SLC15A1: variants seen among roughly 807,000 people sequenced by gnomAD.
SLC15A1 encodes solute carrier family 15 member 1.
A neutral mutation model predicts 92.9 loss-of-function variants in SLC15A1; 83 were observed. That is an observed-to-expected ratio of 0.89 (90% confidence interval 0.75 to 1.07). The LOEUF (loss-of-function observed/expected upper bound fraction) is 1.07, where lower values mean the gene tolerates loss of function less well. SLC15A1 is among the 50% of genes least tolerant of loss of function. The pLI, the probability that SLC15A1 is intolerant of heterozygous loss-of-function variation, is 0.00. For synonymous variants in SLC15A1, 322 were observed against 318.2 expected (o/e 1.01, Z -0.13); for missense variants, 857 against 880.1 (o/e 0.97, Z 0.33).
chr13:98,728,988 A>AC (rs1384936464), intron 1 of SLC15A1, among the ~76,000 whole-genome samples: 6 of 145,844 alleles, frequency 4.1e-5, no homozygotes, highest in Non-Finnish European at 9.0e-5. Context: ...AAAAAAAAAA[A>AC]AAAAAAAAAA....
intron 1 of SLC15A1, among the ~76,000 whole-genome samples, chr13:98,729,183 T>C (rs1481544274): frequency 1.3e-5 from 2 of 151,628 alleles, no homozygotes; most frequent in African/African-American, 2.4e-5. Context: ...AACTGTAAAA[T>C]ATTGTATTAA....
chr13:98,723,947 G>T lies in SLC15A1; in HGVS notation c.330C>A (p.Asn110Lys). 6.2e-7 allele frequency: 1 copy of T among 1,614,188 alleles called. No individual in the cohort carries two copies. The highest frequency in any genetic ancestry group is 8.5e-7 in the Non-Finnish European group (1 of 1,180,016). Reference protein sequence around the residue: ...VSSINDLTDHNHDGTPDSLPV... With the variant: ...VSSINDLTDHKHDGTPDSLPV... ...GAAGGCTGTCGGGGGTGCCATCATG[G>T]TTGTGGTCTGTGAGGTCATTAATGG... Residue 110 changes from asparagine to lysine, a missense_variant, in exon 5 of 23, where the codon AAC (asparagine) becomes AAA (lysine). Coordinates refer to ENST00000376503, the MANE Select transcript of SLC15A1 (RefSeq NM_005073.4).
intron 18 of SLC15A1, among the ~76,000 whole-genome samples, chr13:98,701,517 T>C (rs2088066786): frequency 6.6e-6 from 1 of 151,770 alleles, no homozygotes; most frequent in African/African-American, 2.4e-5. Flanking sequence ...TGATTTATTT[T>C]GAGACAAGGT....
intron 1 of SLC15A1, among the ~76,000 whole-genome samples, chr13:98,730,597 G>A (rs1208458376): frequency 1.3e-5 from 2 of 152,198 alleles, no homozygotes; most frequent in Non-Finnish European, 2.9e-5. Flanking sequence ...ACAACCAAAT[G>A]AGGATGACCT....
chr13:98,741,438 C>T (rs1356119751), intron 1 of SLC15A1, among the ~76,000 whole-genome samples: 1 of 151,976 alleles, frequency 6.6e-6, no homozygotes, highest in African/African-American at 2.4e-5. Flanking sequence ...CATGGTGAAA[C>T]CCCATCTCTA....
chr13:98,741,917 C>G (rs542707052), intron 1 of SLC15A1, among the ~76,000 whole-genome samples: 10 of 152,284 alleles, frequency 6.6e-5, no homozygotes, highest in African/African-American at 2.4e-4. Flanking sequence ...CTCACTAACC[C>G]CTAACGGCAG....
chr13:98,750,935 G>A (rs1159172004), intron 1 of SLC15A1, among the ~76,000 whole-genome samples: 3 of 151,878 alleles, frequency 2.0e-5, no homozygotes, highest in African/African-American at 7.3e-5. Context: ...TATATTTTTA[G>A]TAGAGACGGG....
At chr13:98,711,347 G>A (rs1451637427) in intron 11 of SLC15A1, among the ~76,000 whole-genome samples, 7 of 152,170 alleles carry the variant, frequency 4.6e-5, no homozygotes, top group Admixed American at 1.3e-4. Context: ...GTGGTAGAAA[G>A]AGACAACAGG....
chr13:98,688,443 A>G (rs776104678), intron 19 of SLC15A1, 27 bp downstream of exon 19: 1 of 1,607,358 alleles, frequency 6.2e-7, no homozygotes, highest in Non-Finnish European at 8.5e-7. Flanking sequence ...TGAACCTTTG[A>G]GTGAAGCATT....
intron 1 of SLC15A1, among the ~76,000 whole-genome samples, chr13:98,731,239 G>A (rs1342595434): frequency 1.3e-5 from 2 of 152,212 alleles, no homozygotes; most frequent in African/African-American, 2.4e-5. Context: ...TGGGAGGTCC[G>A]TGGTGAGGCA....
At chr13:98,700,484 C>CAAAAAAAAAAAAAAAAAAAA (rs56342746) in intron 18 of SLC15A1, among the ~76,000 whole-genome samples, 3 of 50,914 alleles carry the variant, frequency 5.9e-5, no homozygotes, top group Admixed American at 3.5e-4. Flanking sequence ...GACCCTGTCT[C>CAAAAAAAAAAAAAAAAAAAA]AAAAAAAAAA....
chr13:98,705,757 T>C (rs1187888381), intron 16 of SLC15A1, among the ~76,000 whole-genome samples: 2 of 152,126 alleles, frequency 1.3e-5, no homozygotes, highest in African/African-American at 4.8e-5. Context: ...CTGGGTGTGG[T>C]GGCACACACC....
At chr13:98,741,284 C>T (rs1304492023) in intron 1 of SLC15A1, among the ~76,000 whole-genome samples, 1 of 152,248 alleles carries the variant, frequency 6.6e-6, no homozygotes, top group Non-Finnish European at 1.5e-5. Flanking sequence ...GGCACCCAGG[C>T]TGTGCCCATC....
chr13:98,701,516 T>G (rs1452648379), intron 18 of SLC15A1, among the ~76,000 whole-genome samples: 1 of 151,730 alleles, frequency 6.6e-6, no homozygotes, highest in South Asian at 2.1e-4. Context: ...TTGATTTATT[T>G]TGAGACAAGG....
rs2088144328 is a variant in SLC15A1 at position 98,709,593 on chromosome 13, G to A, written c.1046C>T (p.Ala349Val). 3.1e-6 allele frequency: 5 copies of A among 1,614,154 alleles called. No individual in the cohort carries two copies. The highest frequency in any genetic ancestry group is 1.1e-5 in the South Asian group (1 of 91,070). ...CTACGTGAAATTGAAGCCACATTTT[G>A]CAATGAGAGGGTACAGCACAGCATC... ...IFDAVLYPLI[A>V]KCGFNFTSLK... The change falls in exon 14 of 23, where the codon GCA becomes GTA. Residue 349 changes from alanine to valine, a missense_variant. Ala to Val is a moderately conservative substitution (Grantham distance 64). Coordinates refer to ENST00000376503, the MANE Select transcript of SLC15A1 (RefSeq NM_005073.4).
At chr13:98,707,513 T>A (rs1247227376) in intron 15 of SLC15A1, among the ~76,000 whole-genome samples, 1 of 152,126 alleles carries the variant, frequency 6.6e-6, no homozygotes, top group East Asian at 1.9e-4. Flanking sequence ...TGGGAGTTGT[T>A]TAATGGGTAC....
intron 1 of SLC15A1, among the ~76,000 whole-genome samples, chr13:98,743,211 T>C (rs1444839320): frequency 2.6e-5 from 4 of 152,226 alleles, no homozygotes; most frequent in Non-Finnish European, 5.9e-5. Flanking sequence ...ATTGGGGCTT[T>C]GGGCTTCAAC....
intron 11 of SLC15A1, among the ~76,000 whole-genome samples, chr13:98,710,192 A>C (rs751662596): frequency 3.3e-5 from 5 of 152,214 alleles, no homozygotes; most frequent in Admixed American, 6.5e-5. Context: ...TAGGAAATAC[A>C]AAAATGCATT....
chr13:98,724,618 C>T (rs1383593006), intron 4 of SLC15A1, among the ~76,000 whole-genome samples: 1 of 152,116 alleles, frequency 6.6e-6, no homozygotes, highest in South Asian at 2.1e-4. Flanking sequence ...ACTACAGGGG[C>T]CCGCCACCAT....
Sources: allele counts gnomAD v4.1 joint callset (sites outside exome capture counted in the v4.1 genomes callset), GRCh38; gene constraint gnomAD v4.1.1; transcripts MANE v1.5; gene names NCBI Gene and HGNC (gene_info 2026-07-23, HGNC 2026-07-21).